SCARB2: variants seen among roughly 807,000 people sequenced by gnomAD.
SCARB2 encodes the protein scavenger receptor class B member 2.
SCARB2 carries 29 observed loss-of-function variants against 58.6 expected under a neutral mutation model. The ratio of observed to expected loss-of-function variants is 0.49; its 90% confidence interval spans 0.37 to 0.67. The LOEUF is 0.67. Ranked by LOEUF, SCARB2 falls within the 30% of genes least tolerant of loss-of-function variation. The probability of loss-of-function intolerance (pLI) is 0.00; values close to 1 mark genes in which losing one functional copy is unlikely to be tolerated. For missense variants in SCARB2, 488 were observed against 578.5 expected (o/e 0.84, Z 1.60); for synonymous variants, 195 against 210.1 (o/e 0.93, Z 0.62).
At chr4:76,195,372 A>T in intron 2 of SCARB2, 1 of 205,904 alleles carries the variant, frequency 4.9e-6, no homozygotes, top group East Asian at 1.2e-4. Flanking sequence ...CTCTTAAAAA[A>T]ATAAAATAAA....
chr4:76,214,498 T>G, upstream of SCARB2: 1 of 355,648 alleles, frequency 2.8e-6, no homozygotes, highest in Non-Finnish European at 5.6e-6. Context: ...GACTGTAGGC[T>G]CAGGTGTTCA....
At chr4:76,217,719 G>A, upstream of SCARB2, 1 of 542,174 alleles carries the variant, frequency 1.8e-6, no homozygotes, top group Non-Finnish European at 3.3e-6. Flanking sequence ...ACAGACAAGG[G>A]CGGAAAATGA....
At position 76,161,042 on chromosome 4, in the gene SCARB2, C is replaced by T. The variant is rs759792003; in HGVS notation, c.*671G>A. ...TTCACAAAAGTACAAGTTAAAAATCCTTAGGAGCTTATCACTATCAACTCA... is the reference window on the plus strand; with the variant it reads ...TTCACAAAAGTACAAGTTAAAAATCTTTAGGAGCTTATCACTATCAACTCA... On this transcript the variant is annotated 3_prime_UTR_variant, in exon 12 of 12. Transcript: ENST00000264896. 6.5e-6 allele frequency: 1 copy of T among 152,770 alleles called. No homozygotes were observed. Among genetic ancestry groups the T allele is most frequent in the Non-Finnish European group, 1.5e-5 (1 of 68,344 alleles). 9.5% of individuals were successfully genotyped at this position (152,770 alleles called of 1,614,324 possible).
At position 76,159,242 on chromosome 4, in the gene SCARB2, G is replaced by A. The variant is rs536677471; in HGVS notation, c.*2471C>T. 1 of 152,310 alleles carries A rather than the reference G, an allele frequency of 6.6e-6. No individual in the cohort carries two copies. Among genetic ancestry groups the A allele is most frequent in the East Asian group, 1.9e-4 (1 of 5,184 alleles). 9.4% of individuals were successfully genotyped at this position (152,310 alleles called of 1,614,324 possible). On this transcript the variant is annotated 3_prime_UTR_variant, in exon 12 of 12. Coordinates refer to ENST00000264896, the MANE Select transcript of SCARB2 (RefSeq NM_005506.4). ...TCATGACAGTGCTTACAATCACAAA[G>A]CCTTTGGGGGTCTTTCTAAGATAAC...
At chr4:76,198,675 C>G (rs541006011) in intron 1 of SCARB2, among the ~76,000 whole-genome samples, 1 of 152,162 alleles carries the variant, frequency 6.6e-6, no homozygotes, top group South Asian at 2.1e-4. Context: ...CACCAGCACT[C>G]AGACAAATCC....
intron 11 of SCARB2, 93 bp from the exon 12 acceptor site, chr4:76,161,844 G>A (rs1230102596): frequency 4.2e-6 from 5 of 1,192,766 alleles, no homozygotes; most frequent in Admixed American, 3.5e-5. Context: ...GGGCATGGAA[G>A]GAGGAGAGAC....
chr4:76,217,597 GC>G, upstream of SCARB2: 2 of 552,068 alleles, frequency 3.6e-6, no homozygotes, highest in Non-Finnish European at 3.3e-6. Context: ...GCAGCCTGAG[GC>G]CCTCATCCAA....
chr4:76,200,495 T>G (rs1401551731), intron 1 of SCARB2, among the ~76,000 whole-genome samples: 3 of 152,256 alleles, frequency 2.0e-5, no homozygotes, highest in African/African-American at 4.8e-5. Context: ...ACTTTTCAGT[T>G]AATCACCCAA....
chr4:76,208,560 AG>A (rs1430859827), intron 1 of SCARB2, among the ~76,000 whole-genome samples: 3 of 152,194 alleles, frequency 2.0e-5, no homozygotes, highest in African/African-American at 7.2e-5. Flanking sequence ...ATGAGTACAG[AG>A]CCAGGCTGAG....
At chr4:76,233,792 T>G (rs1247491924) in intron 1 of SCARB2, among the ~76,000 whole-genome samples, 1 of 152,056 alleles carries the variant, frequency 6.6e-6, no homozygotes, top group South Asian at 2.1e-4. Flanking sequence ...GCCCCCAATA[T>G]GTAAAACCAG....
chr4:76,224,768 A>T (rs1464301887), intron 1 of SCARB2, among the ~76,000 whole-genome samples: 2 of 151,996 alleles, frequency 1.3e-5, no homozygotes, highest in African/African-American at 4.8e-5. Flanking sequence ...TTTTAATTTC[A>T]GAAGTTTTTG....
At chr4:76,210,008 T>C (rs886077415) in intron 1 of SCARB2, among the ~76,000 whole-genome samples, 14 of 152,198 alleles carry the variant, frequency 9.2e-5, no homozygotes, top group African/African-American at 2.4e-4. Flanking sequence ...CTGAACTGCA[T>C]AGCTGCTCTT....
At chr4:76,185,014 T>C (rs1402446893) in intron 2 of SCARB2, among the ~76,000 whole-genome samples, 1 of 152,202 alleles carries the variant, frequency 6.6e-6, no homozygotes, top group East Asian at 1.9e-4. Flanking sequence ...AGGTAGTTTA[T>C]TTTGCTTATA....
chr4:76,181,068 T>C lies in SCARB2; in HGVS notation c.309A>G (p.Gly103=). 6.2e-7 allele frequency: 1 copy of C among 1,613,828 alleles called. No homozygotes were observed. Residue 103 remains glycine (G), a synonymous_variant, in exon 3 of 12, where the codon GGA becomes GGG. Transcript: ENST00000264896. ...CAGCAGATATTGTTGTTCCATTATC[T>C]CCAAATTGAATATTTGCTTTGTTTC... ...ELRNKANIQF[G]DNGTTISAVS... is the part of the protein sequence containing the mutation.
intron 1 of SCARB2, among the ~76,000 whole-genome samples, chr4:76,219,759 A>G (rs992132398): frequency 9.2e-5 from 14 of 152,134 alleles, no homozygotes; most frequent in Admixed American, 7.2e-4. Flanking sequence ...TAGATATTAG[A>G]CTATGGAAAG....
At chr4:76,228,209 G>A (rs2109984057) in intron 1 of SCARB2, among the ~76,000 whole-genome samples, 1 of 152,096 alleles carries the variant, frequency 6.6e-6, no homozygotes, top group African/African-American at 2.4e-5. Context: ...TGGGCGCAGT[G>A]GCTCACACCT....
At chr4:76,211,629 C>T (rs1228287282) in intron 1 of SCARB2, among the ~76,000 whole-genome samples, 4 of 152,130 alleles carry the variant, frequency 2.6e-5, no homozygotes, top group Non-Finnish European at 5.9e-5. Flanking sequence ...CCACGGTCAC[C>T]GAGCTGGGAC....
Position 76,167,684 on chromosome 4 carries a change from C to CTT in SCARB2, c.1187+717_1187+718dup, listed in dbSNP as rs60843260. Among the ~76,000 whole-genome samples the CTT allele has an allele frequency of 1.1e-3, 103 of 91,306 alleles. 1 individual carries two copies. Among genetic ancestry groups the CTT allele is most frequent in the African/African-American group, 4.8e-3 (96 of 19,976 alleles). 59.9% of individuals were successfully genotyped at this position (91,306 alleles called of 152,430 possible). A position where few individuals can be genotyped will look rare whatever the true frequency, so the allele number is the denominator to read the frequency against. ...TTCCCTCCCTCCCTCCCCCCCCCCGCTTTTTTTTTTTTTCCTGAGACACAG... is the reference window on the plus strand; with the variant it reads ...TTCCCTCCCTCCCTCCCCCCCCCCGCTTTTTTTTTTTTTTTCCTGAGACACAG... On this transcript the variant is annotated intron_variant, in intron 9 of 11. Transcript: ENST00000264896.
intron 9 of SCARB2, among the ~76,000 whole-genome samples, chr4:76,167,905 C>G (rs1381224000): frequency 6.6e-6 from 1 of 152,128 alleles, no homozygotes; most frequent in Non-Finnish European, 1.5e-5. Flanking sequence ...TGGTCTTGAT[C>G]TCCTGACCTT....
Sources: gnomAD v4.1 joint callset for allele counts (sites outside exome capture counted in the v4.1 genomes callset) on GRCh38, gnomAD v4.1.1 for gene constraint, MANE v1.5 for transcripts, NCBI Gene and HGNC (gene_info 2026-07-23, HGNC 2026-07-21) for gene names.